The following RAB11FIP3 variants were observed in gnomAD, a reference collection of about 807,000 sequenced individuals.
RAB11FIP3 encodes the protein RAB11 family interacting protein 3.
A neutral mutation model predicts 77.8 loss-of-function variants in RAB11FIP3; 17 were observed. The ratio of observed to expected loss-of-function variants is 0.22; its 90% CI spans 0.15 to 0.33. The LOEUF is 0.33. Among genes scored for constraint, RAB11FIP3 ranks in the 10% least tolerant of loss-of-function variants. RAB11FIP3 has a pLI of 1.00. For missense variants in RAB11FIP3, 1,005 were observed against 1,011.2 expected (o/e 0.99, Z 0.08); for synonymous variants, 437 against 448.2 (o/e 0.98, Z 0.31).
At chr16:492,178 G>C (rs1486432979) in intron 5 of RAB11FIP3, among the ~76,000 whole-genome samples, 2 of 152,192 alleles carry the variant, frequency 1.3e-5, no homozygotes, top group African/African-American at 2.4e-5. Context: ...CCTGCCTCTA[G>C]TTCCATTTCC....
At chr16:434,448 A>G (rs769503626) in intron 1 of RAB11FIP3, among the ~76,000 whole-genome samples, 1 of 149,860 alleles carries the variant, frequency 6.7e-6, no homozygotes, top group Non-Finnish European at 1.5e-5. Context: ...TTTTTTTGAT[A>G]TAGAGTCTCA....
chr16:520,789 A>C lies in RAB11FIP3; in HGVS notation c.2221A>C (p.Ile741Leu). 1 of 1,613,758 alleles carries C rather than the reference A, an allele frequency of 6.2e-7. No individual in the cohort carries two copies. The highest frequency in any genetic ancestry group is 8.5e-7 in the Non-Finnish European group (1 of 1,180,012). ...NFRLQDYIDR[I>L]IVAIMETNPS... is the part of the protein sequence containing the mutation. ...CCGCCTGCAGGACTACATCGACAGG[A>C]TCATCGTGGCCATCATGGAGACCAA... Residue 741 changes from isoleucine to leucine, a missense_variant, in exon 14 of 14, where the codon ATC becomes CTC. By Grantham distance (5) the Ile-to-Leu change is conservative (BLOSUM62 2). Around this residue, in one of 4 missense-constraint regions of RAB11FIP3, gnomAD observed 90 missense variants for 129.7 expected, o/e 0.69. Coordinates refer to ENST00000262305, the MANE Select transcript of RAB11FIP3 (RefSeq NM_014700.4).
At chr16:448,383 C>G (rs2055351829) in intron 1 of RAB11FIP3, among the ~76,000 whole-genome samples, 2 of 151,818 alleles carry the variant, frequency 1.3e-5, no homozygotes, top group Admixed American at 1.3e-4. Context: ...GTGGGCAGAT[C>G]ACCTGAGGTC....
At chr16:483,917 C>T (rs1407760016) in intron 4 of RAB11FIP3, among the ~76,000 whole-genome samples, 5 of 152,078 alleles carry the variant, frequency 3.3e-5, no homozygotes, top group East Asian at 1.9e-4. Context: ...CGCTTAGAGC[C>T]GTCCCATGTT....
At chr16:440,231 A>G (rs528535482) in intron 1 of RAB11FIP3, among the ~76,000 whole-genome samples, 1 of 152,156 alleles carries the variant, frequency 6.6e-6, no homozygotes, top group Admixed American at 6.6e-5. Flanking sequence ...TAAAATGGAA[A>G]TGTTTCTGGA....
At chr16:470,803 A>T (rs2055794609) in intron 2 of RAB11FIP3, among the ~76,000 whole-genome samples, 1 of 152,240 alleles carries the variant, frequency 6.6e-6, no homozygotes, top group Non-Finnish European at 1.5e-5. Context: ...ATAAGCAAAA[A>T]AAGAAAATAA....
intron 1 of RAB11FIP3, among the ~76,000 whole-genome samples, chr16:431,914 T>G (rs1438822092): frequency 4.6e-5 from 7 of 151,694 alleles, no homozygotes; most frequent in African/African-American, 1.7e-4. Flanking sequence ...CCGCCACCCC[T>G]CCCGGCTAAT....
chr16:455,936 T>C (rs546706375), intron 1 of RAB11FIP3, among the ~76,000 whole-genome samples: 2 of 152,348 alleles, frequency 1.3e-5, no homozygotes, highest in Non-Finnish European at 2.9e-5. Flanking sequence ...AAATATTTTA[T>C]TGAACATCCT....
chr16:429,883 T>C (rs1822109635), intron 1 of RAB11FIP3, among the ~76,000 whole-genome samples: 1 of 152,194 alleles, frequency 6.6e-6, no homozygotes, highest in Non-Finnish European at 1.5e-5. Flanking sequence ...CATTTTAAAT[T>C]ATTTAAATGG....
chr16:497,095 C>T, intron 6 of RAB11FIP3: 1 of 550,572 alleles, frequency 1.8e-6, no homozygotes, highest in African/African-American at 2.0e-5. Flanking sequence ...GCTTTTGGTG[C>T]TGGGCCTCTT....
chr16:482,453 C>A, intron 3 of RAB11FIP3, 72 bp from the exon 4 acceptor site: 1 of 1,405,984 alleles, frequency 7.1e-7, no homozygotes, highest in Non-Finnish European at 1.0e-6. Context: ...GGCCTTGCAG[C>A]AGTGAGGTGT....
At chr16:470,974 T>G (rs959373435) in intron 2 of RAB11FIP3, among the ~76,000 whole-genome samples, 4 of 102,062 alleles carry the variant, frequency 3.9e-5, no homozygotes, top group Admixed American at 8.9e-5. Context: ...GCTCAATGTC[T>G]TGCTCTTTTT....
chr16:450,756 G>A (rs2055393585), intron 1 of RAB11FIP3, among the ~76,000 whole-genome samples: 1 of 152,172 alleles, frequency 6.6e-6, no homozygotes, highest in African/African-American at 2.4e-5. Flanking sequence ...AGGAGTCCCA[G>A]CTGGCTCGCA....
chr16:432,231 G>T (rs1283537507), intron 1 of RAB11FIP3, among the ~76,000 whole-genome samples: 1 of 152,078 alleles, frequency 6.6e-6, no homozygotes, highest in Non-Finnish European at 1.5e-5. Context: ...ACAAAAATTA[G>T]CTGGGTGTGG....
At chr16:492,489 CCGGGAGACCCGAGGCCGCCCAGGGCCCT>C (rs2030611871) in intron 5 of RAB11FIP3, among the ~76,000 whole-genome samples, 4 of 110,690 alleles carry the variant, frequency 3.6e-5, no homozygotes, top group African/African-American at 5.8e-5. Context: ...CAGGGCCCTC[CCGGGAGACCCGAGGCCGCCCAGGGCCCT>C]CCCGGGAGAC....
chr16:465,812 C>T lies in RAB11FIP3; in HGVS notation c.808+4315C>T, dbSNP rs147724012. 9.9e-5 allele frequency among the ~76,000 whole-genome samples: 15 copies of T among 152,242 alleles called. No homozygotes were observed. In the East Asian group the frequency reaches 2.9e-3, roughly 29 times the overall value. ...TAGAGATGGGGTTTTGCCATGTTGG[C>T]CAGGCTGGTCGTGAACTCCTGACCT... On this transcript the variant is annotated intron_variant, in intron 2 of 13. Coordinates refer to ENST00000262305, the MANE Select transcript of RAB11FIP3 (RefSeq NM_014700.4).
chr16:472,106 C>G lies in RAB11FIP3; in HGVS notation c.903+717C>G, dbSNP rs1265544711. ...GAGCTGCTGGCCGGTAGGGCCTGGG[C>G]TTCTCATGTCAGTCCTCTGAGCCCT... On this transcript the variant is annotated intron_variant, in intron 3 of 13. Coordinates refer to ENST00000262305, the MANE Select transcript of RAB11FIP3 (RefSeq NM_014700.4). This position sits in a 1 kb window ranked among gnomAD's most constrained non-coding sequence, Gnocchi z 4.1. Among the ~76,000 whole-genome samples the G allele has an allele frequency of 6.6e-6, 1 of 152,220 alleles. No homozygotes were observed. Among genetic ancestry groups the G allele is most frequent in the Non-Finnish European group, 1.5e-5 (1 of 68,038 alleles).
intron 9 of RAB11FIP3, among the ~76,000 whole-genome samples, chr16:515,611 C>T (rs955661831): frequency 2.0e-5 from 3 of 151,132 alleles, no homozygotes; most frequent in Non-Finnish European, 2.9e-5. Context: ...ACGGCTGACA[C>T]GGACCGGGGT....
chr16:495,518 C>A (rs1378105928), intron 5 of RAB11FIP3, among the ~76,000 whole-genome samples: 2 of 152,196 alleles, frequency 1.3e-5, no homozygotes, highest in Non-Finnish European at 2.9e-5. Context: ...GGAGTAGGTA[C>A]TGGGGAGACT....
Sources: allele counts gnomAD v4.1 joint callset (sites outside exome capture counted in the v4.1 genomes callset), GRCh38; gene constraint gnomAD v4.1.1; regional missense constraint gnomAD v4.1.1; non-coding constraint Gnocchi (gnomAD v3.1); transcripts MANE v1.5; gene names NCBI Gene and HGNC (gene_info 2026-07-23, HGNC 2026-07-21).